The following CNTNAP2 variants were observed in gnomAD, a reference collection of about 807,000 sequenced individuals.
CNTNAP2 encodes the protein contactin-associated protein-like 2.
A neutral mutation model predicts 155.2 loss-of-function variants in CNTNAP2; 98 were observed. The observed-to-expected ratio is 0.63, with a 90% CI of 0.54 to 0.75. The LOEUF (loss-of-function observed/expected upper bound fraction) is 0.75, where lower values mean the gene tolerates loss of function less well. Among genes scored for constraint, CNTNAP2 ranks in the 30% least tolerant of loss-of-function variants. The pLI, the probability that CNTNAP2 is intolerant of heterozygous loss-of-function variation, is 0.00. For synonymous variants in CNTNAP2, 651 were observed against 631.2 expected (o/e 1.03, Z -0.47); for missense variants, 1,727 against 1,688.1 (o/e 1.02, Z -0.40).
At chr7:147,619,222 C>G (rs1801348329) in intron 12 of CNTNAP2, among the ~76,000 whole-genome samples, 1 of 152,168 alleles carries the variant, frequency 6.6e-6, no homozygotes, top group Non-Finnish European at 1.5e-5. Flanking sequence ...TGAAATGAAA[C>G]TTAGAAATTT....
At chr7:148,080,408 G>A (rs919482546) in intron 15 of CNTNAP2, among the ~76,000 whole-genome samples, 17 of 151,750 alleles carry the variant, frequency 1.1e-4, no homozygotes, top group Non-Finnish European at 1.5e-4. Context: ...GATCGAGACC[G>A]TCCTGGCTAA....
intron 12 of CNTNAP2, among the ~76,000 whole-genome samples, chr7:147,623,314 T>C (rs1204626473): frequency 6.6e-6 from 1 of 152,084 alleles, no homozygotes; most frequent in African/African-American, 2.4e-5. Context: ...AGAAGTCATA[T>C]TATCCTTGTT....
chr7:148,031,468 T>A (rs1285381372), intron 15 of CNTNAP2, among the ~76,000 whole-genome samples: 1 of 152,174 alleles, frequency 6.6e-6, no homozygotes, highest in African/African-American at 2.4e-5. Context: ...AGTCCGCTGG[T>A]CATTGTATCA....
chr7:148,363,028 C>T (rs1028189617), intron 21 of CNTNAP2, among the ~76,000 whole-genome samples: 5 of 152,136 alleles, frequency 3.3e-5, no homozygotes, highest in Admixed American at 1.3e-4. Flanking sequence ...GTTGCCCAGG[C>T]TGGAGTGCAG....
intron 21 of CNTNAP2, among the ~76,000 whole-genome samples, chr7:148,361,273 T>C (rs1298124347): frequency 6.6e-6 from 1 of 152,186 alleles, no homozygotes; most frequent in Non-Finnish European, 1.5e-5. Flanking sequence ...CTGAGGCAAA[T>C]ACTCAATCTC....
At position 146,813,820 on chromosome 7, in the gene CNTNAP2, C is replaced by T. The variant is rs181271433; in HGVS notation, c.209-25891C>T. ...ATCCCCATGTGTCATGGGAGAGACCCGGTGGGAAGTAATTGAATCATGGGG... is the reference window on the plus strand; with the variant it reads ...ATCCCCATGTGTCATGGGAGAGACCTGGTGGGAAGTAATTGAATCATGGGG... On this transcript the variant is annotated intron_variant, in intron 2 of 23. Coordinates refer to ENST00000361727, the MANE Select transcript of CNTNAP2 (RefSeq NM_014141.6). 2.9e-3 allele frequency among the ~76,000 whole-genome samples: 447 copies of T among 152,140 alleles called. 8 individuals carry two copies. The highest frequency in any genetic ancestry group is 6.8e-3 in the East Asian group (35 of 5,158).
Position 147,390,197 on chromosome 7 carries a change from G to C in CNTNAP2, c.1499-5412G>C, listed in dbSNP as rs374718497. On this transcript the variant is annotated intron_variant, in intron 9 of 23. Transcript: ENST00000361727. ...ACATCTTTAGCTCATTGTTGACTAA[G>C]GGAACTGTCAATATTCCACCAGTTA... Among the ~76,000 whole-genome samples, 6 of 152,152 alleles carry C rather than the reference G, an allele frequency of 3.9e-5. No individual in the cohort carries two copies. In the East Asian group the frequency reaches 7.7e-4, roughly 20 times the overall value.
chr7:148,098,123 T>C (rs1162207988), intron 15 of CNTNAP2, among the ~76,000 whole-genome samples: 3 of 151,964 alleles, frequency 2.0e-5, no homozygotes, highest in South Asian at 2.1e-4. Context: ...GCAGAAAACA[T>C]GTTCTGAAGC....
intron 10 of CNTNAP2, among the ~76,000 whole-genome samples, chr7:147,461,586 T>G (rs1798026238): frequency 6.6e-6 from 1 of 152,224 alleles, no homozygotes; most frequent in Non-Finnish European, 1.5e-5. Context: ...TAAAATTATT[T>G]TCATGTGAGA....
rs779761487 is a variant in CNTNAP2 at position 147,395,732 on chromosome 7, C to T, written c.1622C>T (p.Pro541Leu). 16 of 1,612,244 alleles carry T rather than the reference C, an allele frequency of 9.9e-6. No individual in the cohort carries two copies. Among genetic ancestry groups the T allele is most frequent in the Admixed American group, 5.0e-5 (3 of 59,844 alleles). Residue 541 changes from proline (P) to leucine (L), a missense_variant, in exon 10 of 24, where the codon CCG becomes CTG. Coordinates refer to ENST00000361727, the MANE Select transcript of CNTNAP2 (RefSeq NM_014141.6). ...TTATACGAAGTGGCACAAAGGAAGCCGGGAAGTTTCGCGAATGTCAGCATT... is the reference window on the plus strand; with the variant it reads ...TTATACGAAGTGGCACAAAGGAAGCTGGGAAGTTTCGCGAATGTCAGCATT... ...VNLYEVAQRK[P>L]GSFANVSIDM...
Position 147,665,301 on chromosome 7 carries a change from A to G in CNTNAP2, c.2098+25995A>G, listed in dbSNP as rs142384078. On this transcript the variant is annotated intron_variant, in intron 13 of 23. Transcript: ENST00000361727. ...CAGATTCACCTATGCAGAAGATAGT[A>G]TAGTTCATTCTCATTACTGTGTATG... is the stretch of plus-strand genomic sequence containing the variant. 1.4e-3 allele frequency among the ~76,000 whole-genome samples: 212 copies of G among 152,342 alleles called. 3 individuals carry two copies. The East Asian group carries it at 0.028, about 20-fold the overall frequency.
intron 1 of CNTNAP2, among the ~76,000 whole-genome samples, chr7:146,468,627 G>GT (rs962786838): frequency 1.1e-4 from 17 of 151,996 alleles, no homozygotes; most frequent in South Asian, 4.2e-4. Context: ...TCAACACATA[G>GT]TTTTTTTTGT....
chr7:147,690,888 T>G (rs1326305348), intron 13 of CNTNAP2, among the ~76,000 whole-genome samples: 1 of 152,164 alleles, frequency 6.6e-6, no homozygotes, highest in Non-Finnish European at 1.5e-5. Flanking sequence ...TATTGCTTAT[T>G]ATACTTCCCC....
At chr7:146,346,765 C>A (rs140001938) in intron 1 of CNTNAP2, among the ~76,000 whole-genome samples, 1 of 152,038 alleles carries the variant, frequency 6.6e-6, no homozygotes, top group Non-Finnish European at 1.5e-5. Flanking sequence ...GATGATCTAA[C>A]GTGGGACAGT....
At chr7:146,221,178 AC>A (rs758366121) in intron 1 of CNTNAP2, among the ~76,000 whole-genome samples, 7 of 152,104 alleles carry the variant, frequency 4.6e-5, no homozygotes, top group Non-Finnish European at 1.0e-4. Context: ...CACTTTTGTA[AC>A]TTTTTTCTTT....
At chr7:146,643,371 T>A (rs1211353398) in intron 1 of CNTNAP2, among the ~76,000 whole-genome samples, 1 of 152,142 alleles carries the variant, frequency 6.6e-6, no homozygotes, top group Admixed American at 6.5e-5. Flanking sequence ...TTCAGCTTTC[T>A]ACATATGGCT....
intron 1 of CNTNAP2, among the ~76,000 whole-genome samples, chr7:146,165,736 A>G (rs1264953588): frequency 6.6e-6 from 1 of 152,226 alleles, no homozygotes; most frequent in Non-Finnish European, 1.5e-5. Flanking sequence ...TAAAAACTTT[A>G]TGTGAGATAG....
intron 8 of CNTNAP2, among the ~76,000 whole-genome samples, chr7:147,202,373 A>G (rs1802938850): frequency 1.3e-5 from 2 of 152,204 alleles, no homozygotes; most frequent in South Asian, 2.1e-4. Context: ...AGTATCATGC[A>G]CAATGAGATT....
At chr7:147,291,585 A>G (rs572018115) in intron 8 of CNTNAP2, among the ~76,000 whole-genome samples, 6 of 152,282 alleles carry the variant, frequency 3.9e-5, no homozygotes. Flanking sequence ...ACTGTCATGA[A>G]TAAGGCTGTC....
Sources: allele counts gnomAD v4.1 joint callset (sites outside exome capture counted in the v4.1 genomes callset), GRCh38; gene constraint gnomAD v4.1.1; transcripts MANE v1.5; gene names NCBI Gene and HGNC (gene_info 2026-07-23, HGNC 2026-07-21).